Variants in CSMD3 observed in about 807,000 individuals in gnomAD.
CSMD3 encodes CUB and Sushi multiple domains 3, also known as CUB and sushi domain-containing protein 3.
A neutral mutation model predicts 435.2 loss-of-function variants in CSMD3; 177 were observed. The ratio of observed to expected loss-of-function variants is 0.41; its 90% CI spans 0.36 to 0.46. The LOEUF is 0.46. Among genes scored for constraint, CSMD3 ranks in the 20% least tolerant of loss-of-function variants. The pLI is 0.34. For missense variants in CSMD3, 4,265 were observed against 4,504.6 expected, an observed-to-expected ratio of 0.95 and a Z score of 1.52; for synonymous variants, 1,656 against 1,520.5, an observed-to-expected ratio of 1.09 and a Z score of -2.07.
At chr8:112,893,497 C>T (rs1306703430) in intron 10 of CSMD3, among the ~76,000 whole-genome samples, 2 of 151,418 alleles carry the variant, frequency 1.3e-5, no homozygotes, top group African/African-American at 2.4e-5. Context: ...AAAGTACAGC[C>T]ACCATTGAGA....
intron 11 of CSMD3, among the ~76,000 whole-genome samples, chr8:112,831,243 G>T (rs994257260): frequency 3.3e-5 from 5 of 151,354 alleles, no homozygotes; most frequent in African/African-American, 9.7e-5. Flanking sequence ...ATGTGTATTT[G>T]TTCCACTTAT....
intron 65 of CSMD3, 63 bp downstream of exon 65, chr8:112,244,331 T>C: frequency 7.1e-7 from 1 of 1,404,358 alleles, no homozygotes; most frequent in Non-Finnish European, 1.0e-6. Context: ...AGTTTTTGTC[T>C]GGAGCAAAGG....
intron 2 of CSMD3, among the ~76,000 whole-genome samples, chr8:113,288,104 T>C (rs1356755984): frequency 1.3e-5 from 2 of 151,928 alleles, no homozygotes; most frequent in African/African-American, 4.8e-5. Flanking sequence ...TACAGTAATA[T>C]GCAAATAATT....
intron 13 of CSMD3, among the ~76,000 whole-genome samples, chr8:112,797,930 AG>A (rs766430607): frequency 6.6e-5 from 10 of 151,946 alleles, no homozygotes; most frequent in Non-Finnish European, 1.3e-4. Flanking sequence ...TAATTTATAT[AG>A]GTTCATTTAT....
intron 27 of CSMD3, among the ~76,000 whole-genome samples, chr8:112,536,151 C>A (rs1490897453): frequency 3.9e-5 from 6 of 152,028 alleles, no homozygotes; most frequent in African/African-American, 7.2e-5. Context: ...GCAATGGCAA[C>A]AAAAGCCAAA....
chr8:112,979,438 G>A (rs1376533412), intron 6 of CSMD3, among the ~76,000 whole-genome samples: 1 of 151,464 alleles, frequency 6.6e-6, no homozygotes, highest in African/African-American at 2.4e-5. Flanking sequence ...AATTGGCAGT[G>A]TATGAAACAC....
chr8:112,933,140 A>G (rs2083168890), intron 9 of CSMD3, among the ~76,000 whole-genome samples: 1 of 152,062 alleles, frequency 6.6e-6, no homozygotes, highest in Non-Finnish European at 1.5e-5. Flanking sequence ...TTTTCCAGCT[A>G]TAAAATTCAA....
chr8:113,281,834 A>G (rs60296397), intron 2 of CSMD3, among the ~76,000 whole-genome samples: 17,689 of 151,824 alleles, frequency 0.12, 1,705 homozygotes, highest in African/African-American at 0.27. Flanking sequence ...TTCAAGATTT[A>G]CAGCTCCTTT....
In CSMD3 at chr8:112,281,145, T is replaced by C. The variant is rs374491956; in HGVS notation, c.9508+29A>G. ...CTCATCAATACTTTCATATAATTACTGATTTTTAAATATTGAGAATATACT... is the reference window on the plus strand; with the variant it reads ...CTCATCAATACTTTCATATAATTACCGATTTTTAAATATTGAGAATATACT... On this transcript the variant is annotated intron_variant, in intron 59 of 70. Coordinates refer to ENST00000297405, the MANE Select transcript of CSMD3 (RefSeq NM_198123.2). The C allele has an allele frequency of 9.8e-6, 15 of 1,530,748 alleles. No individual in the cohort carries two copies. In the African/African-American group the frequency reaches 1.9e-4, roughly 20 times the overall value. The allele number at this position is 1,530,748 out of a possible 1,614,324, so 94.8% of individuals were successfully genotyped here.
At chr8:112,798,751 A>G (rs2078888463) in intron 13 of CSMD3, among the ~76,000 whole-genome samples, 1 of 151,858 alleles carries the variant, frequency 6.6e-6, no homozygotes, top group African/African-American at 2.4e-5. Context: ...TAATTCATAC[A>G]GTTTCTAATG....
At chr8:112,882,273 C>G (rs1293284634) in intron 10 of CSMD3, among the ~76,000 whole-genome samples, 3 of 151,972 alleles carry the variant, frequency 2.0e-5, no homozygotes, top group African/African-American at 7.2e-5. Flanking sequence ...GACCACATGT[C>G]TCCCCAGGTA....
At chr8:112,727,433 A>G (rs537645643) in intron 13 of CSMD3, among the ~76,000 whole-genome samples, 3 of 151,960 alleles carry the variant, frequency 2.0e-5, no homozygotes, top group South Asian at 4.1e-4. Flanking sequence ...TGTGAACAAG[A>G]TATTTTCTGT....
At chr8:112,268,773 C>A (rs1428825373) in intron 59 of CSMD3, among the ~76,000 whole-genome samples, 1 of 152,026 alleles carries the variant, frequency 6.6e-6, no homozygotes, top group Non-Finnish European at 1.5e-5. Flanking sequence ...GAACAGAGTT[C>A]TACTGTAGCA....
intron 1 of CSMD3, among the ~76,000 whole-genome samples, chr8:113,398,764 T>C (rs1447474987): frequency 6.6e-6 from 1 of 152,066 alleles, no homozygotes; most frequent in African/African-American, 2.4e-5. Flanking sequence ...TATGTGGGAA[T>C]ATAGAACTCA....
At chr8:112,319,823 T>G in intron 46 of CSMD3, 78 bp downstream of exon 46, 2 of 983,450 alleles carry the variant, frequency 2.0e-6, no homozygotes, top group Non-Finnish European at 3.3e-6. Context: ...GCTATTACTA[T>G]TCTGTATTTT....
intron 24 of CSMD3, among the ~76,000 whole-genome samples, chr8:112,566,912 CT>C (rs1201252298): frequency 2.0e-5 from 3 of 152,098 alleles, no homozygotes; most frequent in Non-Finnish European, 4.4e-5. Flanking sequence ...ATAAGCCTGT[CT>C]ATAAAATCTG....
rs116254014 is a variant in CSMD3, at chr8:112,362,527, G to A, written c.6137-9993C>T. ...TGAACAAAAAGTTAAATAGAATCACGACGTGTAGGTATTATTCATTCATTC... is the reference window on the plus strand; with the variant it reads ...TGAACAAAAAGTTAAATAGAATCACAACGTGTAGGTATTATTCATTCATTC... On this transcript the variant is annotated intron_variant, in intron 38 of 70. Coordinates refer to ENST00000297405, the MANE Select transcript of CSMD3 (RefSeq NM_198123.2). Among the ~76,000 whole-genome samples, 524 of 152,006 alleles carry A rather than the reference G, an allele frequency of 3.4e-3. 3 individuals carry two copies. The highest frequency in any genetic ancestry group is 0.012 in the African/African-American group (488 of 41,524).
At chr8:112,852,053 T>C (rs2432738) in intron 11 of CSMD3, among the ~76,000 whole-genome samples, 21,334 of 151,968 alleles carry the variant, frequency 0.14, 1,736 homozygotes, top group Middle Eastern at 0.3. Context: ...AGAAGTTATT[T>C]TGGTGGGTTT....
intron 5 of CSMD3, among the ~76,000 whole-genome samples, chr8:113,056,742 T>C (rs1230910852): frequency 3.3e-5 from 5 of 152,218 alleles, no homozygotes; most frequent in Non-Finnish European, 7.3e-5. Flanking sequence ...TGGTCTCACC[T>C]AGACCTGGAA....
Sources: gnomAD v4.1 joint callset for allele counts (sites outside exome capture counted in the v4.1 genomes callset) on GRCh38, gnomAD v4.1.1 for gene constraint, MANE v1.5 for transcripts, NCBI Gene and HGNC (gene_info 2026-07-23, HGNC 2026-07-21) for gene names.